CDK3: variants seen among roughly 807,000 people sequenced by gnomAD.
CDK3 encodes cyclin-dependent kinase 3.
CDK3 carries 24 observed loss-of-function variants against 30.2 expected under a neutral mutation model. The observed-to-expected ratio is 0.79, with a 90% CI of 0.57 to 1.12. The LOEUF is 1.12. Among genes scored for constraint, CDK3 ranks in the 50% most tolerant of loss-of-function variants. The pLI is 0.00. For synonymous variants in CDK3, 158 were observed against 154.2 expected, an observed-to-expected ratio of 1.02 and a Z score of -0.18; for missense variants, 345 against 376.0, an observed-to-expected ratio of 0.92 and a Z score of 0.68.
In CDK3 at chr17:76,001,104, A is replaced by G; in HGVS notation, c.-15+137A>G. 8.4e-7 allele frequency: 1 copy of G among 1,194,078 alleles called. No individual in the cohort carries two copies. The highest frequency in any genetic ancestry group is 1.1e-6 in the Non-Finnish European group (1 of 952,322). The allele number at this position is 1,194,078 out of a possible 1,614,324, so 74.0% of individuals were successfully genotyped here. A position where few individuals can be genotyped will look rare whatever the true frequency, so the allele number is the denominator to read the frequency against. ...TGGGATGGGCAGGGGGCTGGGTGGG[A>G]GAGTGTGGGCCCTGCCCTCCGAGGC... is the stretch of plus-strand genomic sequence containing the variant. On this transcript the variant is annotated intron_variant, in intron 1 of 7. Transcript: ENST00000448471. The surrounding 1 kb of genome is among the most constrained non-coding windows in gnomAD (Gnocchi z 6.2).
In CDK3 at chr17:76,005,769, A is replaced by G; in HGVS notation, c.*346A>G. 4.6e-6 allele frequency: 1 copy of G among 217,990 alleles called. No homozygotes were observed. The highest frequency in any genetic ancestry group is 9.1e-6 in the Non-Finnish European group (1 of 110,110). The allele number at this position is 217,990 out of a possible 1,614,324, so 13.5% of individuals were successfully genotyped here. A position where few individuals can be genotyped will look rare whatever the true frequency, so the allele number is the denominator to read the frequency against. On this transcript the variant is annotated 3_prime_UTR_variant, in exon 8 of 8. Transcript: ENST00000448471. This position sits in a 1 kb window ranked among gnomAD's most constrained non-coding sequence, Gnocchi z 4.7. ...GCCTGCAGGGCCAGACCCTGAGGAA[A>G]GGGCGCCCCCTGCTGGTCTTTTTGG... is the stretch of plus-strand genomic sequence containing the variant.
rs1405094423 is a variant in CDK3 at position 76,002,125 on chromosome 17, C to T, written c.298C>T (p.Pro100Ser). 1 of 1,613,988 alleles carries T rather than the reference C, an allele frequency of 6.2e-7. No individual in the cohort carries two copies. Among genetic ancestry groups the T allele is most frequent in the Non-Finnish European group, 8.5e-7 (1 of 1,179,982 alleles). Reference protein sequence around the residue: ...YMDSTPGSELPLHLIKSYLFQ... With the variant: ...YMDSTPGSELSLHLIKSYLFQ... ...GGACTCCACCCCAGGCTCAGAGCTC[C>T]CCCTGCACCTCATCAAGGTAGGGAA... Residue 100 changes from proline to serine, a missense_variant, in exon 4 of 8, where the codon CCC becomes TCC. By Grantham distance (74) the Pro-to-Ser change is moderately conservative. Transcript: ENST00000448471. This position sits in a 1 kb window ranked among gnomAD's most constrained non-coding sequence, Gnocchi z 4.3.
chr17:76,004,125 C>T (rs1277599217), intron 7 of CDK3, among the ~76,000 whole-genome samples: 1 of 151,994 alleles, frequency 6.6e-6, no homozygotes, highest in Non-Finnish European at 1.5e-5. Flanking sequence ...TCCCTACTGC[C>T]TGGGCCCATG....
Position 76,002,037 on chromosome 17 carries a change from G to A in CDK3, c.210G>A (p.Val70=), listed in dbSNP as rs567520898. 3 of 1,614,086 alleles carry A rather than the reference G, an allele frequency of 1.9e-6. No individual in the cohort carries two copies. Among genetic ancestry groups the A allele is most frequent in the Non-Finnish European group, 2.5e-6 (3 of 1,180,014 alleles). ...TCCCTGTCAGACTGCTGGACGTGGT[G>A]CACAACGAGAGGAAGCTCTATCTGG... ...HPNIVRLLDV[V]HNERKLYLVF... The change falls in exon 4 of 8, where the codon GTG becomes GTA. Residue 70 remains valine, a synonymous_variant. Coordinates refer to ENST00000448471, the MANE Select transcript of CDK3 (RefSeq NM_001258.4). The surrounding 1 kb of genome is among the most constrained non-coding windows in gnomAD (Gnocchi z 4.3).
rs1362030973 is a variant in CDK3 at position 76,003,727 on chromosome 17, TG to T, written c.792+333del. Among the ~76,000 whole-genome samples the T allele has an allele frequency of 8.5e-5, 13 of 152,334 alleles. No individual in the cohort carries two copies. The East Asian group carries it at 2.5e-3, about 29-fold the overall frequency. The stretch of plus-strand genomic sequence containing the variant: ...ATCTAAGCTGTATGCCTCCCCAGGC[TG>T]GGGCCATACCTTCTTTTCTTTTCTT... On this transcript the variant is annotated intron_variant, in intron 7 of 7. Coordinates refer to ENST00000448471, the MANE Select transcript of CDK3 (RefSeq NM_001258.4).
chr17:76,002,138 T>C lies in CDK3; in HGVS notation c.311T>C (p.Ile104Thr), dbSNP rs779860792. Residue 104 changes from isoleucine (I) to threonine (T), a missense_variant, in exon 4 of 8, where the codon ATC becomes ACC. Ile to Thr is a moderately conservative substitution (Grantham distance 89). Coordinates refer to ENST00000448471, the MANE Select transcript of CDK3 (RefSeq NM_001258.4). This position sits in a 1 kb window ranked among gnomAD's most constrained non-coding sequence, Gnocchi z 4.3. ...TPGSELPLHL[I>T]KSYLFQLLQG... ...GGCTCAGAGCTCCCCCTGCACCTCATCAAGGTAGGGAAGGAAGGGCAGGGA... is the reference window on the plus strand; with the variant it reads ...GGCTCAGAGCTCCCCCTGCACCTCACCAAGGTAGGGAAGGAAGGGCAGGGA... 1 of 1,613,780 alleles carries C rather than the reference T, an allele frequency of 6.2e-7. No homozygotes were observed. The highest frequency in any genetic ancestry group is 1.1e-5 in the South Asian group (1 of 91,070).
chr17:76,002,212 C>T lies in CDK3; in HGVS notation c.316-36C>T, dbSNP rs371481878. 1.6e-5 allele frequency: 25 copies of T among 1,612,562 alleles called. No homozygotes were observed. Among genetic ancestry groups the T allele is most frequent in the African/African-American group, 6.7e-5 (5 of 74,864 alleles). On this transcript the variant is annotated intron_variant, in intron 4 of 7. Transcript: ENST00000448471. This position sits in a 1 kb window ranked among gnomAD's most constrained non-coding sequence, Gnocchi z 4.3. ...GCCATCCCTGTCCACGCAGCACCTC[C>T]GCTCAGCTGGCTGCACCTCGCGCTC...
In CDK3 at chr17:76,000,878, T is replaced by G; in HGVS notation, c.-104T>G. ...TAAGACCCTCCTGACCCCTGACCTC[T>G]GCCCCCAGTGGCCCTGGCCCCTGGG... On this transcript the variant is annotated 5_prime_UTR_variant, in exon 1 of 8. Transcript: ENST00000448471. The surrounding 1 kb of genome is among the most constrained non-coding windows in gnomAD (Gnocchi z 5.9). 1 of 1,050,228 alleles carries G rather than the reference T, an allele frequency of 9.5e-7. No individual in the cohort carries two copies. Among genetic ancestry groups the G allele is most frequent in the Non-Finnish European group, 1.2e-6 (1 of 869,058 alleles). 65.1% of individuals were successfully genotyped at this position (1,050,228 alleles called of 1,614,324 possible).
At position 76,001,460 on chromosome 17, in the gene CDK3, A is replaced by T. The variant is rs1263734022; in HGVS notation, c.35A>T (p.Glu12Val). ...DMFQKVEKIGEGTYGVVYKAK... is the reference protein window; with the variant it reads ...DMFQKVEKIGVGTYGVVYKAK... ...TTCCAGAAGGTAGAGAAGATCGGAGAGGGCACCTATGGGGTGGTGTACAAG... is the reference window on the plus strand; with the variant it reads ...TTCCAGAAGGTAGAGAAGATCGGAGTGGGCACCTATGGGGTGGTGTACAAG... Residue 12 changes from glutamate (E) to valine (V), a missense_variant, in exon 2 of 8, where the codon GAG becomes GTG. Glu to Val is a moderately radical substitution (Grantham distance 121). Coordinates refer to ENST00000448471, the MANE Select transcript of CDK3 (RefSeq NM_001258.4). This position sits in a 1 kb window ranked among gnomAD's most constrained non-coding sequence, Gnocchi z 6.2. 6.2e-7 allele frequency: 1 copy of T among 1,614,064 alleles called. No individual in the cohort carries two copies. Among genetic ancestry groups the T allele is most frequent in the Admixed American group, 1.7e-5 (1 of 60,006 alleles).
Position 76,002,179 on chromosome 17 carries a change from C to T in CDK3, c.315+37C>T, listed in dbSNP as rs1180567850. The T allele has an allele frequency of 2.5e-6, 4 of 1,612,478 alleles. No homozygotes were observed. The South Asian group carries it at 3.3e-5, about 13-fold the overall frequency. On this transcript the variant is annotated intron_variant, in intron 4 of 7. Transcript: ENST00000448471. The surrounding 1 kb of genome is among the most constrained non-coding windows in gnomAD (Gnocchi z 4.3). ...AGGGCAGGGAAGGAGAGGTGACACC[C>T]CATCCCTGCCATCCCTGTCCACGCA...
rs142601065 is a variant in CDK3 at position 76,001,906 on chromosome 17, G to A, written c.149G>A (p.Arg50Lys). The part of the protein sequence containing the change: ...EMEGVPSTAI[R>K]EISLLKELKH... The stretch of plus-strand genomic sequence containing the variant: ...GAGGGGGTCCCAAGCACTGCCATCA[G>A]GGAGATCTCGCTGCTCAAGGAACTG... The change falls in exon 3 of 8, where the codon AGG becomes AAG. Residue 50 changes from arginine (R) to lysine (K), a missense_variant. Physicochemically the swap from Arg to Lys is conservative, Grantham distance 26. Coordinates refer to ENST00000448471, the MANE Select transcript of CDK3 (RefSeq NM_001258.4). This position sits in a 1 kb window ranked among gnomAD's most constrained non-coding sequence, Gnocchi z 6.2. 14 of 1,613,688 alleles carry A rather than the reference G, an allele frequency of 8.7e-6. No homozygotes were observed. The highest frequency in any genetic ancestry group is 2.7e-5 in the African/African-American group (2 of 74,906).
Position 76,001,315 on chromosome 17 carries a change from G to A in CDK3, c.-14-97G>A. The A allele has an allele frequency of 6.5e-7, 1 of 1,549,852 alleles. No homozygotes were observed. The highest frequency in any genetic ancestry group is 8.7e-7 in the Non-Finnish European group (1 of 1,150,378). ...GGGCCTTGGGAGCTGGGCAGTCTGG[G>A]CTGGGCTGGGCTGGGCAGGGCGCCA... On this transcript the variant is annotated intron_variant, in intron 1 of 7. Transcript: ENST00000448471. The surrounding 1 kb of genome is among the most constrained non-coding windows in gnomAD (Gnocchi z 6.2).
In CDK3 at chr17:76,003,386, G is replaced by GGA; in HGVS notation, c.781_782dup (p.Asp261GlufsTer81). 1 of 1,613,214 alleles carries GGA rather than the reference G, an allele frequency of 6.2e-7. No homozygotes were observed. The highest frequency in any genetic ancestry group is 8.5e-7 in the Non-Finnish European group (1 of 1,179,860). On this transcript the variant is annotated frameshift_variant, in exon 7 of 8. Coordinates refer to ENST00000448471, the MANE Select transcript of CDK3 (RefSeq NM_001258.4). LOFTEE classifies it low-confidence loss of function (END_TRUNC). ...TGCCCAATCTGGAGCCAGAGGGCAG[G>GGA]GACCTGCTCATGGTAGGTGCATGTG...
At position 76,002,952 on chromosome 17, in the gene CDK3, G is replaced by A. The variant is rs1391130571; in HGVS notation, c.589-243G>A. The A allele has an allele frequency of 3.5e-6, 2 of 563,452 alleles. No individual in the cohort carries two copies. The highest frequency in any genetic ancestry group is 6.3e-6 in the Non-Finnish European group (2 of 315,704). The allele number at this position is 563,452 out of a possible 1,614,324, so 34.9% of individuals were successfully genotyped here. ...GTTGAGGCTGCAGTGAGCTGTGATC[G>A]CACGACTGCACTCTAGCCTGGGTGA... On this transcript the variant is annotated intron_variant, in intron 6 of 7. Transcript: ENST00000448471. This position sits in a 1 kb window ranked among gnomAD's most constrained non-coding sequence, Gnocchi z 4.3.
rs936567989 is a variant in CDK3 at position 76,001,231 on chromosome 17, T to G, written c.-14-181T>G. On this transcript the variant is annotated intron_variant, in intron 1 of 7. Transcript: ENST00000448471. The surrounding 1 kb of genome is among the most constrained non-coding windows in gnomAD (Gnocchi z 6.2). ...CGGGCTGGGCTGGGTGAGGGGCGGT[T>G]TCCGACCCCCAGCCAGGTTCCCAGG... The G allele has an allele frequency of 5.5e-6, 8 of 1,452,470 alleles. No individual in the cohort carries two copies. The highest frequency in any genetic ancestry group is 7.3e-6 in the Non-Finnish European group (8 of 1,102,242). The allele number at this position is 1,452,470 out of a possible 1,614,324, so 90.0% of individuals were successfully genotyped here.
At position 76,001,705 on chromosome 17, in the gene CDK3, T is replaced by C; in HGVS notation, c.116+164T>C. 2 of 894,138 alleles carry C rather than the reference T, an allele frequency of 2.2e-6. No homozygotes were observed. Among genetic ancestry groups the C allele is most frequent in the African/African-American group, 3.4e-5 (2 of 59,512 alleles). 55.4% of individuals were successfully genotyped at this position (894,138 alleles called of 1,614,324 possible). On this transcript the variant is annotated intron_variant, in intron 2 of 7. Coordinates refer to ENST00000448471, the MANE Select transcript of CDK3 (RefSeq NM_001258.4). This position sits in a 1 kb window ranked among gnomAD's most constrained non-coding sequence, Gnocchi z 6.2. Reference sequence around the variant, plus strand: ...AGTTCACTGCCTTCTGACCAGCCTTTGCCGGGGCCCTGACTGTGGAGTTTG... The same window carrying C: ...AGTTCACTGCCTTCTGACCAGCCTTCGCCGGGGCCCTGACTGTGGAGTTTG...
rs2066260407 is a variant in CDK3 at position 76,001,642 on chromosome 17, C to T, written c.116+101C>T. The T allele has an allele frequency of 1.9e-6, 2 of 1,054,546 alleles. No individual in the cohort carries two copies. The highest frequency in any genetic ancestry group is 2.8e-6 in the Non-Finnish European group (2 of 708,880). 65.3% of individuals were successfully genotyped at this position (1,054,546 alleles called of 1,614,324 possible). Reference sequence around the variant, plus strand: ...TTCCTGGAGTCCACGTTTAACTCCTCTGGGTGCTGCCCAGCAGCCCTTACC... The same window carrying T: ...TTCCTGGAGTCCACGTTTAACTCCTTTGGGTGCTGCCCAGCAGCCCTTACC... On this transcript the variant is annotated intron_variant, in intron 2 of 7. Coordinates refer to ENST00000448471, the MANE Select transcript of CDK3 (RefSeq NM_001258.4). This position sits in a 1 kb window ranked among gnomAD's most constrained non-coding sequence, Gnocchi z 6.2.
rs755004179 is a variant in CDK3, at chr17:76,002,234, G to T, written c.316-14G>T. 1.5e-5 allele frequency: 24 copies of T among 1,611,874 alleles called. No individual in the cohort carries two copies. Among genetic ancestry groups the T allele is most frequent in the Non-Finnish European group, 1.9e-5 (22 of 1,179,676 alleles). ...CTCCGCTCAGCTGGCTGCACCTCGCGCTCGTTTCTCCAGAGCTACCTCTTC... is the reference window on the plus strand; with the variant it reads ...CTCCGCTCAGCTGGCTGCACCTCGCTCTCGTTTCTCCAGAGCTACCTCTTC... On this transcript the variant is annotated splice_polypyrimidine_tract_variant and intron_variant, in intron 4 of 7. Coordinates refer to ENST00000448471, the MANE Select transcript of CDK3 (RefSeq NM_001258.4). This position sits in a 1 kb window ranked among gnomAD's most constrained non-coding sequence, Gnocchi z 4.3.
chr17:76,001,712 G>A lies in CDK3; in HGVS notation c.117-162G>A. 2.2e-6 allele frequency: 2 copies of A among 901,710 alleles called. No individual in the cohort carries two copies. Among genetic ancestry groups the A allele is most frequent in the East Asian group, 2.7e-5 (1 of 37,702 alleles). The allele number at this position is 901,710 out of a possible 1,614,324, so 55.9% of individuals were successfully genotyped here. On this transcript the variant is annotated intron_variant, in intron 2 of 7. Coordinates refer to ENST00000448471, the MANE Select transcript of CDK3 (RefSeq NM_001258.4). This position sits in a 1 kb window ranked among gnomAD's most constrained non-coding sequence, Gnocchi z 6.2. ...TGCCTTCTGACCAGCCTTTGCCGGG[G>A]CCCTGACTGTGGAGTTTGGTGGATG... is the stretch of plus-strand genomic sequence containing the variant.
Sources: allele counts gnomAD v4.1 joint callset (sites outside exome capture counted in the v4.1 genomes callset), GRCh38; gene constraint gnomAD v4.1.1; non-coding constraint Gnocchi (gnomAD v3.1); transcripts MANE v1.5; gene names NCBI Gene and HGNC (gene_info 2026-07-23, HGNC 2026-07-21).